Variants in NCAM2 observed in about 807,000 individuals in gnomAD.
NCAM2 encodes the protein neural cell adhesion molecule 2.
Under a neutral mutation model 98.1 loss-of-function variants are expected in NCAM2, and 30 were observed. The ratio of observed to expected loss-of-function variants is 0.31; its 90% CI spans 0.23 to 0.41. The LOEUF (loss-of-function observed/expected upper bound fraction) is 0.41, where lower values mean the gene tolerates loss of function less well. Ranked by LOEUF, NCAM2 falls within the 10% of genes least tolerant of loss-of-function variation. The pLI is 1.00. For synonymous variants in NCAM2, 368 were observed against 342.4 expected (o/e 1.07, Z -0.83); for missense variants, 867 against 1,005.8 (o/e 0.86, Z 1.87).
chr21:21,361,997 A>G (rs1443200789), intron 8 of NCAM2, among the ~76,000 whole-genome samples: 1 of 152,140 alleles, frequency 6.6e-6, no homozygotes, highest in Non-Finnish European at 1.5e-5. Context: ...AGAAATTCAT[A>G]TTTTTAGCAA....
chr21:21,218,002 G>C (rs1199969181), intron 1 of NCAM2, among the ~76,000 whole-genome samples: 3 of 152,162 alleles, frequency 2.0e-5, no homozygotes. Flanking sequence ...ATGCATTCCT[G>C]TGAGCACCTT....
At chr21:21,051,655 G>C (rs186909650) in intron 1 of NCAM2, among the ~76,000 whole-genome samples, 144 of 152,284 alleles carry the variant, frequency 9.5e-4, no homozygotes, top group African/African-American at 3.4e-3. Context: ...TGCCATAATA[G>C]GCTCATGGCA....
chr21:21,329,110 A>G (rs755403008), intron 6 of NCAM2, among the ~76,000 whole-genome samples: 7 of 151,864 alleles, frequency 4.6e-5, no homozygotes, highest in Non-Finnish European at 1.0e-4. Context: ...ATGTGCCACC[A>G]TGCCCGGCTA....
At chr21:21,456,744 G>C (rs1471758989) in intron 12 of NCAM2, among the ~76,000 whole-genome samples, 1 of 152,174 alleles carries the variant, frequency 6.6e-6, no homozygotes, top group East Asian at 1.9e-4. Flanking sequence ...GTGGGGCTTT[G>C]AGAGGTATTA....
chr21:21,284,552 T>A (rs1464278455), intron 3 of NCAM2, 152 bp downstream of exon 3: 6 of 631,994 alleles, frequency 9.5e-6, no homozygotes, highest in Non-Finnish European at 1.6e-5. Context: ...TATCTTAGAA[T>A]AGAATAGCTA....
chr21:21,522,780 T>C (rs576874499), intron 16 of NCAM2, among the ~76,000 whole-genome samples: 2 of 151,836 alleles, frequency 1.3e-5, no homozygotes, highest in South Asian at 2.1e-4. Context: ...TACAGGCGTG[T>C]GCCACCACGC....
At chr21:21,409,710 T>C (rs1214793720) in intron 9 of NCAM2, among the ~76,000 whole-genome samples, 1 of 152,248 alleles carries the variant, frequency 6.6e-6, no homozygotes, top group African/African-American at 2.4e-5. Context: ...GGTTCTCTTA[T>C]ATTTTAATAA....
intron 3 of NCAM2, among the ~76,000 whole-genome samples, chr21:21,285,231 A>T (rs1336887985): frequency 6.6e-6 from 1 of 151,798 alleles, no homozygotes; most frequent in African/African-American, 2.4e-5. Context: ...ATGGTAAATT[A>T]TATATATATT....
intron 12 of NCAM2, among the ~76,000 whole-genome samples, chr21:21,461,941 G>A (rs760155020): frequency 6.6e-6 from 1 of 152,012 alleles, no homozygotes; most frequent in Non-Finnish European, 1.5e-5. Flanking sequence ...TTCTGCGTGT[G>A]TATAGAAACA....
intron 1 of NCAM2, among the ~76,000 whole-genome samples, chr21:21,082,225 T>TAAAAA (rs57713170): frequency 3.6e-5 from 3 of 82,916 alleles, no homozygotes; most frequent in Admixed American, 3.0e-4. Context: ...GAGAATCCTT[T>TAAAAA]AAAAAAAAAA....
intron 1 of NCAM2, among the ~76,000 whole-genome samples, chr21:21,232,156 T>A (rs1005879678): frequency 6.6e-6 from 1 of 151,448 alleles, no homozygotes; most frequent in African/African-American, 2.4e-5. Context: ...TTTCTGATGG[T>A]TGAGGGCTGT....
At chr21:21,388,227 A>G (rs2826823) in intron 9 of NCAM2, among the ~76,000 whole-genome samples, 33,896 of 152,258 alleles carry the variant, frequency 0.22, 4,100 homozygotes, top group East Asian at 0.29. Flanking sequence ...TAAGCCAAAC[A>G]TCAGTTCATC....
At chr21:21,222,524 G>C (rs1373163042) in intron 1 of NCAM2, among the ~76,000 whole-genome samples, 1 of 152,168 alleles carries the variant, frequency 6.6e-6, no homozygotes, top group Non-Finnish European at 1.5e-5. Context: ...TGGAGGACTT[G>C]AGAGGTTCCA....
At chr21:21,358,492 C>G (rs894505628) in intron 8 of NCAM2, among the ~76,000 whole-genome samples, 3 of 151,910 alleles carry the variant, frequency 2.0e-5, no homozygotes, top group African/African-American at 2.4e-5. Flanking sequence ...ACTCAACATA[C>G]AAAAATACAC....
intron 9 of NCAM2, among the ~76,000 whole-genome samples, chr21:21,388,177 A>G (rs1268552125): frequency 6.6e-6 from 1 of 152,210 alleles, no homozygotes; most frequent in Non-Finnish European, 1.5e-5. Flanking sequence ...AGACATATTT[A>G]AAGTGTTTGT....
chr21:21,511,533 A>G (rs900458253), intron 16 of NCAM2, among the ~76,000 whole-genome samples: 8 of 151,928 alleles, frequency 5.3e-5, no homozygotes, highest in Non-Finnish European at 1.2e-4. Context: ...GATCTTAGCT[A>G]TTCTGAATAT....
chr21:21,362,213 G>A (rs1015583694), intron 8 of NCAM2, among the ~76,000 whole-genome samples: 1 of 151,784 alleles, frequency 6.6e-6, no homozygotes, highest in African/African-American at 2.4e-5. Flanking sequence ...CCTTGTGCCT[G>A]TTATTTTCAT....
chr21:21,285,509 A>C (rs1256414861), intron 3 of NCAM2, among the ~76,000 whole-genome samples: 1 of 151,952 alleles, frequency 6.6e-6, no homozygotes, highest in Non-Finnish European at 1.5e-5. Flanking sequence ...CAAATAATTA[A>C]ATTGAAATGG....
chr21:21,010,981 C>T (rs888007068), intron 1 of NCAM2, among the ~76,000 whole-genome samples: 49 of 151,820 alleles, frequency 3.2e-4, no homozygotes, highest in Admixed American at 3.1e-3. Flanking sequence ...GTTAGAAGGG[C>T]GAAGAGCTTG....
Sources: gnomAD v4.1 joint callset for allele counts (sites outside exome capture counted in the v4.1 genomes callset) on GRCh38, gnomAD v4.1.1 for gene constraint, MANE v1.5 for transcripts, NCBI Gene and HGNC (gene_info 2026-07-23, HGNC 2026-07-21) for gene names.